Variants in GLDN observed in about 807,000 individuals in gnomAD.
GLDN encodes the protein collomin.
Under a neutral mutation model 56.5 loss-of-function variants are expected in GLDN, and 47 were observed. That is an observed-to-expected ratio of 0.83 (90% CI 0.66 to 1.06). The LOEUF is 1.06. GLDN is among the 50% of genes least tolerant of loss of function. GLDN has a pLI of 0.00. For synonymous variants in GLDN, 332 were observed against 278.8 expected, an observed-to-expected ratio of 1.19 and a Z score of -1.90; for missense variants, 782 against 714.3, an observed-to-expected ratio of 1.09 and a Z score of -1.08.
chr15:51,345,028 A>G (rs1288387800), intron 1 of GLDN, among the ~76,000 whole-genome samples: 1 of 147,054 alleles, frequency 6.8e-6, no homozygotes, highest in Admixed American at 6.7e-5. Flanking sequence ...AATTAGGCCA[A>G]TAAGGAAATG....
At chr15:51,379,692 A>C (rs1437827956) in intron 2 of GLDN, among the ~76,000 whole-genome samples, 2 of 152,166 alleles carry the variant, frequency 1.3e-5, no homozygotes, top group African/African-American at 4.8e-5. Flanking sequence ...CAAGGGAAAA[A>C]ATATCTAAGT....
At chr15:51,368,332 G>A (rs530542308) in intron 1 of GLDN, among the ~76,000 whole-genome samples, 5 of 152,112 alleles carry the variant, frequency 3.3e-5, no homozygotes, top group East Asian at 3.9e-4. Flanking sequence ...GACTGGCCAC[G>A]CTGCTGGGCA....
At chr15:51,349,327 G>A (rs1271619894) in intron 1 of GLDN, among the ~76,000 whole-genome samples, 1 of 152,226 alleles carries the variant, frequency 6.6e-6, no homozygotes, top group Non-Finnish European at 1.5e-5. Flanking sequence ...CCTTGGACTG[G>A]GTTATTTCCA....
intron 2 of GLDN, among the ~76,000 whole-genome samples, chr15:51,382,736 A>AAAAAAG (rs1555404470): frequency 2.2e-4 from 33 of 149,920 alleles, no homozygotes; most frequent in African/African-American, 6.8e-4. Context: ...CAAAAAAAAA[A>AAAAAAG]AAAAGAAAAG....
chr15:51,401,771 G>A lies in GLDN; in HGVS notation c.1178+28G>A, dbSNP rs201630131. 1.9e-4 allele frequency: 303 copies of A among 1,602,902 alleles called. 1 individual carries two copies. The highest frequency in any genetic ancestry group is 6.8e-4 in the Middle Eastern group (4 of 5,920). ...AAGTCGCACCACAGCACCTTCTCAC[G>A]CCTCTCAGGCAGCACCTGTGCTGTG... On this transcript the variant is annotated intron_variant, in intron 9 of 9. Transcript: ENST00000335449.
At chr15:51,378,652 A>G (rs889659537) in intron 2 of GLDN, among the ~76,000 whole-genome samples, 1 of 152,236 alleles carries the variant, frequency 6.6e-6, no homozygotes, top group Non-Finnish European at 1.5e-5. Context: ...TGGGTTGAGT[A>G]GGTTTTTCTT....
chr15:51,347,103 T>C (rs548719127), intron 1 of GLDN, among the ~76,000 whole-genome samples: 1 of 152,134 alleles, frequency 6.6e-6, no homozygotes, highest in African/African-American at 2.4e-5. Flanking sequence ...GGAAAACTCA[T>C]ATCATATCAT....
chr15:51,371,680 T>C (rs1172609371), intron 1 of GLDN, among the ~76,000 whole-genome samples: 2 of 152,200 alleles, frequency 1.3e-5, no homozygotes, highest in African/African-American at 4.8e-5. Flanking sequence ...GGATAATTTA[T>C]AAGAAAAGAA....
At chr15:51,379,889 G>A (rs1191092907) in intron 2 of GLDN, among the ~76,000 whole-genome samples, 1 of 152,174 alleles carries the variant, frequency 6.6e-6, no homozygotes, top group Non-Finnish European at 1.5e-5. Context: ...CTGTTTTGGT[G>A]TGAGTTTTTA....
chr15:51,359,169 A>C (rs2037243465), intron 1 of GLDN, among the ~76,000 whole-genome samples: 1 of 152,160 alleles, frequency 6.6e-6, no homozygotes, highest in Non-Finnish European at 1.5e-5. Flanking sequence ...CCGTGGGAGG[A>C]GGAGGAGACT....
chr15:51,384,213 T>A, intron 4 of GLDN: 1 of 355,312 alleles, frequency 2.8e-6, no homozygotes, highest in East Asian at 7.9e-5. Flanking sequence ...TGACAGCTGG[T>A]GCTGGTGCAT....
chr15:51,368,851 T>C (rs2037458571), intron 1 of GLDN, among the ~76,000 whole-genome samples: 1 of 152,206 alleles, frequency 6.6e-6, no homozygotes, highest in African/African-American at 2.4e-5. Flanking sequence ...GCTGATAAGA[T>C]GAAAAGCTTA....
chr15:51,395,755 T>A (rs1246686321), intron 5 of GLDN, among the ~76,000 whole-genome samples: 1 of 99,678 alleles, frequency 1.0e-5, no homozygotes, highest in Admixed American at 9.9e-5. Flanking sequence ...GGGTAATTTA[T>A]ATATTTAAAA....
chr15:51,363,533 G>A (rs576498200), intron 1 of GLDN, among the ~76,000 whole-genome samples: 1 of 152,364 alleles, frequency 6.6e-6, no homozygotes, highest in African/African-American at 2.4e-5. Context: ...CCTGTTATGG[G>A]CATGTGGGTG....
intron 1 of GLDN, among the ~76,000 whole-genome samples, chr15:51,366,154 T>C (rs1214862288): frequency 6.6e-6 from 1 of 152,186 alleles, no homozygotes; most frequent in African/African-American, 2.4e-5. Context: ...ACTGTGTGTG[T>C]GTCTGTTTCT....
intron 1 of GLDN, among the ~76,000 whole-genome samples, chr15:51,356,400 G>A (rs2124874): frequency 0.17 from 25,118 of 151,958 alleles, 2,640 homozygotes; most frequent in East Asian, 0.49. Context: ...ACATGGAAGC[G>A]GGCTACTTTA....
At chr15:51,352,793 C>A (rs1362902265) in intron 1 of GLDN, among the ~76,000 whole-genome samples, 5 of 152,204 alleles carry the variant, frequency 3.3e-5, no homozygotes, top group Non-Finnish European at 7.3e-5. Flanking sequence ...TGCTTTTAAC[C>A]TCCAAGCTTC....
intron 1 of GLDN, 86 bp downstream of exon 1, chr15:51,342,133 C>A: frequency 8.6e-7 from 1 of 1,156,584 alleles, no homozygotes; most frequent in Non-Finnish European, 1.1e-6. Context: ...CCTCTTCTCC[C>A]CTGGCCAGGC....
chr15:51,389,951 C>T (rs2037980637), intron 4 of GLDN, among the ~76,000 whole-genome samples: 1 of 152,186 alleles, frequency 6.6e-6, no homozygotes, highest in Non-Finnish European at 1.5e-5. Flanking sequence ...AGAGTTTAAG[C>T]TCTGTAGCCT....
Sources: allele counts gnomAD v4.1 joint callset (sites outside exome capture counted in the v4.1 genomes callset), GRCh38; gene constraint gnomAD v4.1.1; transcripts MANE v1.5; gene names NCBI Gene and HGNC (gene_info 2026-07-23, HGNC 2026-07-21).